Variants in SWT1 observed in about 807,000 individuals in gnomAD.
The protein encoded by SWT1 is SWT1 RNA endoribonuclease homolog.
In SWT1, 33 loss-of-function variants were observed where a neutral mutation model predicts 107.3. The observed-to-expected ratio is 0.31, with a 90% CI of 0.23 to 0.41. The LOEUF (loss-of-function observed/expected upper bound fraction) is 0.41. Ranked by LOEUF, SWT1 falls within the 10% of genes least tolerant of loss-of-function variation. SWT1 has a pLI of 1.00. For synonymous variants in SWT1, 345 were observed against 348.3 expected, an observed-to-expected ratio of 0.99 and a Z score of 0.11; for missense variants, 898 against 1,028.9, an observed-to-expected ratio of 0.87 and a Z score of 1.74.
At chr1:185,251,796 A>AT (rs1161541597) in intron 16 of SWT1, among the ~76,000 whole-genome samples, 28 of 150,616 alleles carry the variant, frequency 1.9e-4, no homozygotes, top group Admixed American at 1.5e-3. Flanking sequence ...ATATATATAT[A>AT]TATTTTTTTT....
intron 10 of SWT1, among the ~76,000 whole-genome samples, chr1:185,200,188 A>T (rs574136945): frequency 7.8e-4 from 118 of 152,208 alleles, no homozygotes; most frequent in African/African-American, 2.7e-3. Context: ...GCATTGAGTT[A>T]GAACATGCTC....
chr1:185,251,827 G>A (rs1287073027), intron 16 of SWT1, among the ~76,000 whole-genome samples: 1 of 151,132 alleles, frequency 6.6e-6, no homozygotes, highest in African/African-American at 2.4e-5. Flanking sequence ...AAATTTTAGG[G>A]TACATGTGCA....
At chr1:185,255,066 C>A (rs1662374066) in intron 16 of SWT1, among the ~76,000 whole-genome samples, 1 of 152,022 alleles carries the variant, frequency 6.6e-6, no homozygotes. Flanking sequence ...GCAGGTTGTT[C>A]AGTTTCCATG....
intron 8 of SWT1, among the ~76,000 whole-genome samples, 181 bp downstream of exon 8, chr1:185,184,525 T>C (rs1261566198): frequency 6.6e-6 from 1 of 152,202 alleles, no homozygotes; most frequent in East Asian, 1.9e-4. Flanking sequence ...CTGAACTCAC[T>C]CTTTTTTTGA....
At chr1:185,176,754 G>A (rs973139609) in intron 5 of SWT1, 40 of 861,792 alleles carry the variant, frequency 4.6e-5, no homozygotes, top group Non-Finnish European at 5.2e-5. Context: ...GGAGGCCGAG[G>A]TGGGCGGATC....
At chr1:185,166,536 G>T in intron 2 of SWT1, 36 bp from the exon 3 acceptor site, 1 of 1,371,142 alleles carries the variant, frequency 7.3e-7, no homozygotes, top group Non-Finnish European at 1.0e-6. Flanking sequence ...TTTATTTTGT[G>T]CTTTTTAAAA....
At chr1:185,228,167 G>GTATATATATA (rs1157576166) in intron 15 of SWT1, among the ~76,000 whole-genome samples, 1 of 61,566 alleles carries the variant, frequency 1.6e-5, no homozygotes, top group African/African-American at 1.1e-4. Flanking sequence ...AAAAAAAAAT[G>GTATATATATA]TGTATATATA....
At chr1:185,256,301 G>C (rs1425968638) in intron 16 of SWT1, among the ~76,000 whole-genome samples, 2 of 150,212 alleles carry the variant, frequency 1.3e-5, no homozygotes, top group African/African-American at 2.4e-5. Context: ...GGCATTCTCT[G>C]TATTTCCTGA....
intron 16 of SWT1, among the ~76,000 whole-genome samples, chr1:185,245,394 G>A (rs74345515): frequency 1.3e-5 from 2 of 152,100 alleles, no homozygotes; most frequent in African/African-American, 2.4e-5. Flanking sequence ...AACACACATG[G>A]AGCTGTCTCC....
intron 18 of SWT1, chr1:185,280,722 C>T (rs1242607468): frequency 4.0e-5 from 10 of 252,348 alleles, no homozygotes; most frequent in Non-Finnish European, 7.9e-5. Flanking sequence ...AATCCCTGAA[C>T]TGGCAGTAGC....
intron 16 of SWT1, among the ~76,000 whole-genome samples, chr1:185,257,482 G>A (rs1360694537): frequency 6.6e-6 from 1 of 151,850 alleles, no homozygotes; most frequent in African/African-American, 2.4e-5. Flanking sequence ...ATAATCTCGT[G>A]GTGCGCCGTT....
At chr1:185,225,364 T>G (rs971120016) in intron 15 of SWT1, among the ~76,000 whole-genome samples, 2 of 152,206 alleles carry the variant, frequency 1.3e-5, no homozygotes, top group Admixed American at 6.5e-5. Flanking sequence ...GATATTGGTC[T>G]GTAGTTTCAT....
At chr1:185,207,592 T>A (rs1658437325) in intron 13 of SWT1, among the ~76,000 whole-genome samples, 1 of 152,242 alleles carries the variant, frequency 6.6e-6, no homozygotes, top group Non-Finnish European at 1.5e-5. Flanking sequence ...ATAACTAGAT[T>A]TGTCTTGTTA....
intron 18 of SWT1, chr1:185,281,540 C>A: frequency 4.2e-6 from 1 of 239,288 alleles, no homozygotes; most frequent in Non-Finnish European, 8.4e-6. Flanking sequence ...CATCTGCCTG[C>A]TGTAGGATGT....
chr1:185,228,461 G>T (rs2102557028), intron 15 of SWT1, among the ~76,000 whole-genome samples: 1 of 152,098 alleles, frequency 6.6e-6, no homozygotes, highest in African/African-American at 2.4e-5. Context: ...GATCAAGGCT[G>T]CAGTGAGCTG....
chr1:185,262,317 A>G (rs1008086989), intron 16 of SWT1: 1 of 152,146 alleles, frequency 6.6e-6, no homozygotes, highest in South Asian at 2.1e-4. Flanking sequence ...TCCCTTTAGT[A>G]CATTGTTAAC....
chr1:185,212,264 G>A (rs1435495280), intron 13 of SWT1, among the ~76,000 whole-genome samples: 1 of 152,004 alleles, frequency 6.6e-6, no homozygotes, highest in Non-Finnish European at 1.5e-5. Context: ...TTTTACCTGG[G>A]TCATAATTTA....
intron 18 of SWT1, among the ~76,000 whole-genome samples, chr1:185,289,751 A>G (rs1665143664): frequency 6.6e-6 from 1 of 152,204 alleles, no homozygotes; most frequent in South Asian, 2.1e-4. Flanking sequence ...CCAGGCACAG[A>G]AAGACAGATA....
Position 185,179,634 on chromosome 1 carries a change from G to GT in SWT1, c.967-755dup, listed in dbSNP as rs575163301. 2.0e-5 allele frequency among the ~76,000 whole-genome samples: 3 copies of GT among 152,256 alleles called. No individual in the cohort carries two copies. The East Asian group carries it at 5.8e-4, about 29-fold the overall frequency. On this transcript the variant is annotated intron_variant, in intron 5 of 18. Coordinates refer to ENST00000367500, the MANE Select transcript of SWT1 (RefSeq NM_017673.7). ...TCATGTCACTTGTAGAAATGACTTAGTTGCTCCTGGATGAAAATTTTTCAC... is the reference window on the plus strand; with the variant it reads ...TCATGTCACTTGTAGAAATGACTTAGTTTGCTCCTGGATGAAAATTTTTCAC...
Sources: allele counts gnomAD v4.1 joint callset (sites outside exome capture counted in the v4.1 genomes callset), GRCh38; gene constraint gnomAD v4.1.1; transcripts MANE v1.5; gene names NCBI Gene and HGNC (gene_info 2026-07-23, HGNC 2026-07-21).